Variants in NUP98 observed in about 807,000 individuals in gnomAD.
The protein encoded by NUP98 is nuclear pore complex protein Nup98-Nup96.
Under a neutral mutation model 191.9 loss-of-function variants are expected in NUP98, and 26 were observed. The observed-to-expected ratio is 0.14, with a 90% CI of 0.10 to 0.19. NUP98 has a LOEUF of 0.19. Ranked by LOEUF, NUP98 falls within the 10% of genes least tolerant of loss-of-function variation. NUP98 has a pLI of 1.00. For missense variants in NUP98, 1,941 were observed against 2,178.8 expected (o/e 0.89, Z 2.17); for synonymous variants, 808 against 778.4 (o/e 1.04, Z -0.63).
chr11:3,688,578 T>C (rs2078201181), intron 28 of NUP98, among the ~76,000 whole-genome samples: 1 of 151,202 alleles, frequency 6.6e-6, no homozygotes, highest in African/African-American at 2.4e-5. Context: ...GAGGATTACT[T>C]GAGGTCAGGA....
chr11:3,754,237 G>A (rs1432432959), intron 10 of NUP98, among the ~76,000 whole-genome samples: 1 of 151,816 alleles, frequency 6.6e-6, no homozygotes, highest in African/African-American at 2.4e-5. Context: ...GAACAGCCTG[G>A]GGAACATGGT....
chr11:3,750,267 A>G (rs1589873992), intron 11 of NUP98, among the ~76,000 whole-genome samples: 1 of 152,230 alleles, frequency 6.6e-6, no homozygotes, highest in East Asian at 1.9e-4. Flanking sequence ...CTACAGGCAC[A>G]TGCCACCAAG....
At chr11:3,751,018 G>A (rs948052755) in intron 11 of NUP98, among the ~76,000 whole-genome samples, 2 of 152,058 alleles carry the variant, frequency 1.3e-5, no homozygotes, top group African/African-American at 4.8e-5. Context: ...ATGCACCTCA[G>A]TCTCTGGCTT....
chr11:3,683,423 A>T lies in NUP98; in HGVS notation c.4695T>A (p.Val1565=), dbSNP rs771210156. 6 of 1,614,182 alleles carry T rather than the reference A, an allele frequency of 3.7e-6. No homozygotes were observed. Among genetic ancestry groups the T allele is most frequent in the South Asian group, 3.3e-5 (3 of 91,072 alleles). The change falls in exon 30 of 33, where the codon GTT becomes GTA. Residue 1565 remains valine (V), a synonymous_variant. Coordinates refer to ENST00000324932, the MANE Select transcript of NUP98 (RefSeq NM_016320.5). ...IDNSGIREKA[V]RELLTRHCQL... ...GGCAGTGCCGGGTAAGCAGCTCTCG[A>T]ACAGCCTTCTCACGTATGCTACAGG...
chr11:3,699,860 T>A (rs1490970104), intron 24 of NUP98, among the ~76,000 whole-genome samples: 1 of 152,206 alleles, frequency 6.6e-6, no homozygotes, highest in Non-Finnish European at 1.5e-5. Context: ...TAAACGTGAT[T>A]TGCTAAACAA....
chr11:3,691,239 A>G, intron 28 of NUP98, 108 bp downstream of exon 28: 1 of 1,177,418 alleles, frequency 8.5e-7, no homozygotes, highest in Non-Finnish European at 1.2e-6. Context: ...GGTAGTTTAT[A>G]TGGACTTACA....
At chr11:3,711,512 T>C (rs1342850369) in intron 20 of NUP98, 2 of 152,994 alleles carry the variant, frequency 1.3e-5, no homozygotes, top group African/African-American at 4.8e-5. Context: ...TTTAAGATCC[T>C]ACATATTACT....
rs367638185 is a variant in NUP98 at position 3,676,632 on chromosome 11, C to T, written c.5074-12G>A. On this transcript the variant is annotated splice_polypyrimidine_tract_variant and intron_variant, in intron 31 of 32. Transcript: ENST00000324932. ...CCTGAGCAATCCACCTACAAAGAAG[C>T]AGAGAAGCCAATTAATCCAAGGGGA... is the stretch of plus-strand genomic sequence containing the variant. 2.4e-5 allele frequency: 39 copies of T among 1,599,800 alleles called. No homozygotes were observed. The highest frequency in any genetic ancestry group is 3.2e-5 in the Non-Finnish European group (37 of 1,167,320).
intron 2 of NUP98, among the ~76,000 whole-genome samples, chr11:3,781,670 G>T (rs770183436): frequency 1.3e-5 from 2 of 152,040 alleles, no homozygotes; most frequent in Non-Finnish European, 2.9e-5. Context: ...TCTGTGACAT[G>T]AATGTCACAT....
intron 14 of NUP98, among the ~76,000 whole-genome samples, chr11:3,729,417 A>G (rs956105943): frequency 2.6e-5 from 4 of 151,698 alleles, no homozygotes; most frequent in Admixed American, 2.6e-4. Flanking sequence ...CTTCTGTTAC[A>G]TTAAGACGGT....
At chr11:3,784,859 G>A (rs557173725) in intron 1 of NUP98, among the ~76,000 whole-genome samples, 135 of 152,236 alleles carry the variant, frequency 8.9e-4, no homozygotes, top group African/African-American at 2.9e-3. Context: ...ACCCTTGGCC[G>A]GGCGCGGTGG....
In NUP98 at chr11:3,775,911, C is replaced by G; in HGVS notation, c.466G>C (p.Ala156Pro). The G allele has an allele frequency of 1.2e-6, 2 of 1,613,636 alleles. No homozygotes were observed. Among genetic ancestry groups the G allele is most frequent in the African/African-American group, 1.3e-5 (1 of 74,998 alleles). Residue 156 changes from alanine (A) to proline (P), a missense_variant, in exon 5 of 33, where the codon GCT becomes CCT. Physicochemically the swap from Ala to Pro is conservative, Grantham distance 27 (BLOSUM62 -1). Around this residue, in one of 6 missense-constraint regions of NUP98, gnomAD observed 154 missense variants for 182.9 expected, o/e 0.84. Transcript: ENST00000324932. Reference sequence around the variant, plus strand: ...AATTTAATAGTAGTCCCAGTAGGAGCAGCTGTAAAACTACTTGGCCCAAAG... The same window carrying G: ...AATTTAATAGTAGTCCCAGTAGGAGGAGCTGTAAAACTACTTGGCCCAAAG... The part of the protein sequence containing the change: ...SLFGPSSFTA[A>P]PTGTTIKFNP...
At chr11:3,738,635 C>G (rs769162378) in intron 12 of NUP98, among the ~76,000 whole-genome samples, 4 of 151,778 alleles carry the variant, frequency 2.6e-5, no homozygotes, top group Non-Finnish European at 5.9e-5. Context: ...AAGAATTAGC[C>G]GGGCATGGTG....
At chr11:3,760,070 CA>C (rs2081111925) in intron 10 of NUP98, 1 of 157,172 alleles carries the variant, frequency 6.4e-6, no homozygotes, top group Non-Finnish European at 1.3e-5. Context: ...GTAATCTCAG[CA>C]CTTTGGGAGG....
intron 16 of NUP98, 90 bp from the exon 17 acceptor site, chr11:3,720,915 A>C: frequency 4.8e-6 from 3 of 626,014 alleles, no homozygotes; most frequent in East Asian, 2.9e-5. Context: ...ATATATCAGA[A>C]TGAAGAATTT....
intron 8 of NUP98, among the ~76,000 whole-genome samples, chr11:3,763,583 A>T (rs2134532751): frequency 6.6e-6 from 1 of 152,190 alleles, no homozygotes; most frequent in Admixed American, 6.5e-5. Flanking sequence ...TTTGATACGG[A>T]GTTTCGTTCT....
At chr11:3,712,515 AC>A in intron 20 of NUP98, 48 bp downstream of exon 20, 1 of 1,605,898 alleles carries the variant, frequency 6.2e-7, no homozygotes, top group Non-Finnish European at 8.5e-7. Context: ...CTTGCTTTCA[AC>A]TTCGGTATCA....
intron 10 of NUP98, 135 bp from the exon 11 acceptor site, chr11:3,753,543 G>T: frequency 1.6e-6 from 1 of 614,364 alleles, no homozygotes; most frequent in Non-Finnish European, 2.8e-6. Context: ...CTAACTTGTA[G>T]GATAACTTAA....
At position 3,702,565 on chromosome 11, in the gene NUP98, G is replaced by A. The variant is rs200546169; in HGVS notation, c.3410C>T (p.Ala1137Val). 2 of 1,614,016 alleles carry A rather than the reference G, an allele frequency of 1.2e-6. No homozygotes were observed. Among genetic ancestry groups the A allele is most frequent in the South Asian group, 1.1e-5 (1 of 91,072 alleles). ...RVGWGPNWTL[A>V]NSGEQLNGSH... ...GCCATTCAGCTGTTCTCCACTATTA[G>A]CAAGAGTCCAGTTGGGGCCCCAACC... The change falls in exon 23 of 33, where the codon GCT becomes GTT. Residue 1137 changes from alanine to valine, a missense_variant. By Grantham distance (64) the Ala-to-Val change is moderately conservative (BLOSUM62 0). This residue lies in a region of NUP98 where 1,030 missense variants were observed against 1,115.8 expected (regional missense o/e 0.92). Transcript: ENST00000324932.
Sources: allele counts gnomAD v4.1 joint callset (sites outside exome capture counted in the v4.1 genomes callset), GRCh38; gene constraint gnomAD v4.1.1; regional missense constraint gnomAD v4.1.1; transcripts MANE v1.5; gene names NCBI Gene and HGNC (gene_info 2026-07-23, HGNC 2026-07-21).